The following CTU2 variants were observed in gnomAD, a reference collection of about 807,000 sequenced individuals.
CTU2 encodes the protein cytosolic thiouridylase subunit 2.
In CTU2, 80 loss-of-function variants were observed where a neutral mutation model predicts 64.1. The observed-to-expected ratio is 1.25, with a 90% CI of 1.04 to 1.50. The LOEUF (loss-of-function observed/expected upper bound fraction) is 1.50. CTU2 is among the 40% of genes most tolerant of loss of function. The probability of loss-of-function intolerance (pLI) is 0.00; values close to 1 mark genes in which losing one functional copy is unlikely to be tolerated. For synonymous variants in CTU2, 482 were observed against 285.3 expected (o/e 1.69, Z -6.95); for missense variants, 1,110 against 690.2 (o/e 1.61, Z -6.81).
Position 88,714,127 on chromosome 16 carries a change from T to C in CTU2, c.1006-9T>C. The C allele has an allele frequency of 6.2e-7, 1 of 1,612,198 alleles. No homozygotes were observed. The highest frequency in any genetic ancestry group is 8.5e-7 in the Non-Finnish European group (1 of 1,179,506). On this transcript the variant is annotated splice_polypyrimidine_tract_variant and intron_variant, in intron 9 of 14. Coordinates refer to ENST00000453996, the MANE Select transcript of CTU2 (RefSeq NM_001012759.3). Reference sequence around the variant, plus strand: ...GCTTTCCCATAGCCTCCAATCTGATTGTCCCTAGGCCCCTGAAAAGGCCAG... The same window carrying C: ...GCTTTCCCATAGCCTCCAATCTGATCGTCCCTAGGCCCCTGAAAAGGCCAG...
chr16:88,712,995 G>A (rs141037150), intron 7 of CTU2, 90 bp downstream of exon 7: 12,202 of 341,930 alleles, frequency 0.036, 283 homozygotes, highest in African/African-American at 0.13. Flanking sequence ...CCCCACTCAT[G>A]CCCCTGAGAG....
At chr16:88,711,487 G>T (rs538214283) in intron 4 of CTU2, 148 bp from the exon 5 acceptor site, 2 of 770,094 alleles carry the variant, frequency 2.6e-6, no homozygotes, top group Non-Finnish European at 4.0e-6. Context: ...ACCTGAGTCT[G>T]AATGGCTTTG....
rs142662688 is a variant in CTU2, at chr16:88,714,683, G to A, written c.1298G>A (p.Cys433Tyr). Residue 433 changes from cysteine (C) to tyrosine (Y), a missense_variant, in exon 12 of 15, where the codon TGC becomes TAC. Transcript: ENST00000453996. ...LTETRTPPGP[C>Y]CSPGVGWAQR... Reference sequence around the variant, plus strand: ...GAGACCCGGACACCCCCGGGGCCCTGCTGTTCTCCAGGGGTGGGCTGGGCC... The same window carrying A: ...GAGACCCGGACACCCCCGGGGCCCTACTGTTCTCCAGGGGTGGGCTGGGCC... The A allele has an allele frequency of 1.8e-5, 29 of 1,612,230 alleles. No individual in the cohort carries two copies. Among genetic ancestry groups the A allele is most frequent in the Non-Finnish European group, 2.4e-5 (28 of 1,179,684 alleles).
At position 88,706,517 on chromosome 16, in the gene CTU2, G is replaced by T. The variant is rs947187099; in HGVS notation, c.-14G>T. 7 of 1,431,706 alleles carry T rather than the reference G, an allele frequency of 4.9e-6. No homozygotes were observed. The African/African-American group carries it at 6.0e-5, about 12-fold the overall frequency. The allele number at this position is 1,431,706 out of a possible 1,614,324, so 88.7% of individuals were successfully genotyped here. A position where few individuals can be genotyped will look rare whatever the true frequency, so the allele number is the denominator to read the frequency against. On this transcript the variant is annotated 5_prime_UTR_variant, in exon 1 of 15. Transcript: ENST00000453996. ...CTGTCGCCGCCACAGTCTGCGACGG[G>T]ACCCGGCGTGCCCATGTGTCAGGTG...
In CTU2 at chr16:88,712,915, C is replaced by A. The variant is rs12148926; in HGVS notation, c.737+10C>A. The A allele has an allele frequency of 1.0e-6, 1 of 981,284 alleles. No individual in the cohort carries two copies. The allele number at this position is 981,284 out of a possible 1,614,324, so 60.8% of individuals were successfully genotyped here. ...TTCTGCAGACCCTGCGGTGAGGCCC[C>A]GAGAGCCCCCCTTCCCCGGGCCCTG... On this transcript the variant is annotated intron_variant, in intron 7 of 14. Transcript: ENST00000453996.
At position 88,714,190 on chromosome 16, in the gene CTU2, C is replaced by T. The variant is rs780126764; in HGVS notation, c.1060C>T (p.Gln354Ter). 2 of 1,612,484 alleles carry T rather than the reference C, an allele frequency of 1.2e-6. No individual in the cohort carries two copies. The highest frequency in any genetic ancestry group is 1.7e-6 in the Non-Finnish European group (2 of 1,179,866). Residue 354 changes from glutamine (Q) to a stop codon, truncating the protein, a stop_gained, in exon 10 of 15, where the codon CAG becomes TAG. Coordinates refer to ENST00000453996, the MANE Select transcript of CTU2 (RefSeq NM_001012759.3). LOFTEE classifies it high-confidence loss of function. ...GATGGAGGCCTTCATCCTCAGGCTG[C>T]AGACCCAGTTCCCCTCCACTGTCAG... ...RLMEAFILRLQTQFPSTVSTV... is the reference protein window; with the variant it reads ...RLMEAFILRL
At chr16:88,706,984 G>T in intron 1 of CTU2, 152 bp from the exon 2 acceptor site, 1 of 729,108 alleles carries the variant, frequency 1.4e-6, no homozygotes, top group South Asian at 1.8e-5. Flanking sequence ...TTGAAGTTTG[G>T]ACAGAACACA....
chr16:88,713,519 A>T (rs1480550268), intron 8 of CTU2, 72 bp downstream of exon 8: 1 of 1,524,660 alleles, frequency 6.6e-7, no homozygotes, highest in Non-Finnish European at 8.8e-7. Context: ...ACTGGAGAGT[A>T]GCCTCTCGCG....
rs765202475 is a variant in CTU2 at position 88,713,269 on chromosome 16, G to A, written c.738-43G>A. 88 of 1,234,888 alleles carry A rather than the reference G, an allele frequency of 7.1e-5. No homozygotes were observed. The Middle Eastern group carries it at 7.7e-4, about 11-fold the overall frequency. 76.5% of individuals were successfully genotyped at this position (1,234,888 alleles called of 1,614,324 possible). On this transcript the variant is annotated intron_variant, in intron 7 of 14. Coordinates refer to ENST00000453996, the MANE Select transcript of CTU2 (RefSeq NM_001012759.3). Reference sequence around the variant, plus strand: ...TCATACCCGAGAGCCCCCCTTCCCCGGGTCCTGCACCCCCCAGGCCCCTGA... The same window carrying A: ...TCATACCCGAGAGCCCCCCTTCCCCAGGTCCTGCACCCCCCAGGCCCCTGA...
At chr16:88,708,861 C>T (rs1911106832) in intron 2 of CTU2, 1 of 152,212 alleles carries the variant, frequency 6.6e-6, no homozygotes, top group South Asian at 2.1e-4. Flanking sequence ...AAAATGCAGA[C>T]TCCTAGGCCT....
At chr16:88,710,398 G>A (rs1458624696) in intron 4 of CTU2, 116 bp downstream of exon 4, 25 of 1,044,158 alleles carry the variant, frequency 2.4e-5, no homozygotes, top group Admixed American at 6.1e-5. Flanking sequence ...TCCACCCTGC[G>A]GCCTGGACAC....
chr16:88,713,444 TAC>T lies in CTU2; in HGVS notation c.871_872del (p.Thr291GlyfsTer5). ...GTCGAGGGGCCTTCCTGGCCTGGGA[TAC>T]GGTAGGCAGGGGCCTGGGTGTTCAG... ...LGRGAFLAWDTGFSDERHGDV... is the reference protein window; with the variant it reads ...LGRGAFLAWDXGFSDERHGDV... On this transcript the variant is annotated frameshift_variant and splice_region_variant, in exon 8 of 15. Transcript: ENST00000453996. LOFTEE classifies it high-confidence loss of function. 6.3e-7 allele frequency: 1 copy of T among 1,577,978 alleles called. No individual in the cohort carries two copies. The highest frequency in any genetic ancestry group is 8.6e-7 in the Non-Finnish European group (1 of 1,168,624).
chr16:88,712,577 C>A, intron 6 of CTU2, 45 bp from the exon 7 acceptor site: 2 of 1,588,324 alleles, frequency 1.3e-6, no homozygotes, highest in East Asian at 4.5e-5. Flanking sequence ...TGGGGGGCAC[C>A]TGCCCGTGTC....
At chr16:88,714,354 C>A in intron 10 of CTU2, 29 bp from the exon 11 acceptor site, 1 of 1,610,412 alleles carries the variant, frequency 6.2e-7, no homozygotes, top group South Asian at 1.1e-5. Context: ...CCGTGTGATT[C>A]ACCTGCTCCT....
rs760498224 is a variant in CTU2 at position 88,710,326 on chromosome 16, T to G, written c.282+44T>G. The stretch of plus-strand genomic sequence containing the variant: ...GTGGGCCCGGGCTGCTGGGCTGAGC[T>G]TCAGGCTGGGGGCCTCCCTTCTCAG... On this transcript the variant is annotated intron_variant, in intron 4 of 14. Coordinates refer to ENST00000453996, the MANE Select transcript of CTU2 (RefSeq NM_001012759.3). The G allele has an allele frequency of 1.6e-5, 25 of 1,606,392 alleles. No homozygotes were observed. In the South Asian group the frequency reaches 2.6e-4, roughly 17 times the overall value.
Position 88,711,796 on chromosome 16 carries a change from C to G in CTU2, c.343+101C>G, listed in dbSNP as rs367572682. On this transcript the variant is annotated intron_variant, in intron 5 of 14. Coordinates refer to ENST00000453996, the MANE Select transcript of CTU2 (RefSeq NM_001012759.3). ...CCTCCCTCTGGTGCCGGTCCTCCCT[C>G]TGGTAGGATGTGTTGAGCTACTGGT... 28 of 1,133,082 alleles carry G rather than the reference C, an allele frequency of 2.5e-5. No homozygotes were observed. In the East Asian group the frequency reaches 5.6e-4, roughly 23 times the overall value. 70.2% of individuals were successfully genotyped at this position (1,133,082 alleles called of 1,614,324 possible). A position where few individuals can be genotyped will look rare whatever the true frequency, so the allele number is the denominator to read the frequency against.
chr16:88,715,284 G>T lies in CTU2; in HGVS notation c.*33G>T, dbSNP rs751260286. 1 of 1,602,762 alleles carries T rather than the reference G, an allele frequency of 6.2e-7. No individual in the cohort carries two copies. Among genetic ancestry groups the T allele is most frequent in the South Asian group, 1.1e-5 (1 of 90,546 alleles). ...GACGTGCTTGCCGGGACAGCAGGCA[G>T]TGGCCACCTGGTACACCACACTGGA... On this transcript the variant is annotated 3_prime_UTR_variant, in exon 15 of 15. Transcript: ENST00000453996.
chr16:88,714,289 C>T lies in CTU2; in HGVS notation c.1097+62C>T, dbSNP rs1385179276. 43 of 1,543,048 alleles carry T rather than the reference C, an allele frequency of 2.8e-5. No homozygotes were observed. The East Asian group carries it at 3.1e-4, about 11-fold the overall frequency. ...GGTGTGTGCTGTGCGCGGGTGTGTG[C>T]GGGTGGTGAGCTCACCACTCGTGCT... On this transcript the variant is annotated intron_variant, in intron 10 of 14. Transcript: ENST00000453996.
rs576207120 is a variant in CTU2, at chr16:88,713,541, C to T, written c.873+94C>T. Reference sequence around the variant, plus strand: ...AGTAGCCTCTCGCGTATCAGTCCTGCGGCCTCGGATGGTGGTGGGGTCTGT... The same window carrying T: ...AGTAGCCTCTCGCGTATCAGTCCTGTGGCCTCGGATGGTGGTGGGGTCTGT... On this transcript the variant is annotated intron_variant, in intron 8 of 14. Transcript: ENST00000453996. 6.1e-3 allele frequency: 8,378 copies of T among 1,376,918 alleles called. 43 individuals are homozygous for T. Among genetic ancestry groups the T allele is most frequent in the Non-Finnish European group, 6.8e-3 (7,171 of 1,052,506 alleles). The allele number at this position is 1,376,918 out of a possible 1,614,324, so 85.3% of individuals were successfully genotyped here. A position where few individuals can be genotyped will look rare whatever the true frequency, so the allele number is the denominator to read the frequency against.
Sources: gnomAD v4.1 joint callset for allele counts on GRCh38, gnomAD v4.1.1 for gene constraint, MANE v1.5 for transcripts, NCBI Gene and HGNC (gene_info 2026-07-23, HGNC 2026-07-21) for gene names.